The following CNKSR2 variants were observed in gnomAD, a reference collection of about 807,000 sequenced individuals.
CNKSR2 encodes connector enhancer of kinase suppressor of Ras 2, also known as CNK homolog protein 2.
A neutral mutation model predicts 84.4 loss-of-function variants in CNKSR2; 14 were observed. The observed-to-expected ratio is 0.17, with a 90% confidence interval of 0.11 to 0.26. The LOEUF (loss-of-function observed/expected upper bound fraction) is 0.26. Among genes scored for constraint, CNKSR2 ranks in the 10% least tolerant of loss-of-function variants. CNKSR2 has a pLI of 1.00. For missense variants in CNKSR2, 485 were observed against 771.2 expected (o/e 0.63, Z 4.40); for synonymous variants, 275 against 277.9 (o/e 0.99, Z 0.10).
At chrX:21,491,774 T>A (rs2091445026) in intron 6 of CNKSR2, 1 of 112,100 alleles carries the variant, frequency 8.9e-6, no homozygotes, top group Non-Finnish European at 1.9e-5. Flanking sequence ...AATTTTTTTA[T>A]TCCTTTTAGT....
intron 20 of CNKSR2, among the ~76,000 whole-genome samples, chrX:21,640,982 A>C (rs1301230948): frequency 9.0e-6 from 1 of 111,534 alleles, no homozygotes; most frequent in East Asian, 2.8e-4. Context: ...CGGCCTCCTC[A>C]TTGGAGCAAT....
At chrX:21,455,664 A>G (rs1284681925) in intron 4 of CNKSR2, among the ~76,000 whole-genome samples, 1 of 112,237 alleles carries the variant, frequency 8.9e-6, no homozygotes, top group African/African-American at 3.2e-5. Flanking sequence ...GGCATATTTG[A>G]TCATAACACT....
At position 21,532,489 on chromosome X, in the gene CNKSR2, C is replaced by T. The variant is rs189100647; in HGVS notation, c.1303+422C>T. On this transcript the variant is annotated intron_variant, in intron 11 of 21. Coordinates refer to ENST00000379510, the MANE Select transcript of CNKSR2 (RefSeq NM_014927.5). ...GGGATTTTAAGAAATATAATTTTCT[C>T]GAGAAATTCTCACCTCAGTTTTTGT... 2.5e-3 allele frequency among the ~76,000 whole-genome samples: 271 copies of T among 109,538 alleles called. 1 individual carries two copies. Among genetic ancestry groups the T allele is most frequent in the Middle Eastern group, 9.4e-3 (2 of 213 alleles).
intron 4 of CNKSR2, among the ~76,000 whole-genome samples, chrX:21,452,239 C>T (rs770250813): frequency 1.4e-4 from 16 of 111,065 alleles, no homozygotes; most frequent in East Asian, 8.5e-4. Context: ...TACAGGGGTG[C>T]GCCACCATGC....
chrX:21,627,117 T>C (rs1226149260), intron 20 of CNKSR2, among the ~76,000 whole-genome samples: 1 of 111,829 alleles, frequency 8.9e-6, no homozygotes, highest in Non-Finnish European at 1.9e-5. Context: ...AATATGACTC[T>C]TTTACGTTTG....
intron 20 of CNKSR2, among the ~76,000 whole-genome samples, chrX:21,621,501 CCTTT>C (rs1304020737): frequency 9.0e-6 from 1 of 110,947 alleles, no homozygotes; most frequent in African/African-American, 3.3e-5. Flanking sequence ...TTCTAAGCAC[CCTTT>C]CTGTGTTTTT....
intron 11 of CNKSR2, among the ~76,000 whole-genome samples, chrX:21,533,038 T>G (rs2091898748): frequency 9.0e-6 from 1 of 111,186 alleles, no homozygotes; most frequent in African/African-American, 3.3e-5. Flanking sequence ...CTTTCAGCTC[T>G]TTGGTAATAA....
At chrX:21,541,994 G>A (rs1389438642) in intron 11 of CNKSR2, among the ~76,000 whole-genome samples, 1 of 111,701 alleles carries the variant, frequency 9.0e-6, no homozygotes, top group Non-Finnish European at 1.9e-5. Context: ...GCAGAACCAA[G>A]TCTGATTTTA....
chrX:21,435,591 A>G (rs1181719712), intron 3 of CNKSR2, among the ~76,000 whole-genome samples: 2 of 111,712 alleles, frequency 1.8e-5, no homozygotes, highest in Non-Finnish European at 3.8e-5. Flanking sequence ...GAGGTGAATC[A>G]CAGTTGGTAG....
At chrX:21,520,685 C>G (rs1487861726) in intron 9 of CNKSR2, among the ~76,000 whole-genome samples, 1 of 108,236 alleles carries the variant, frequency 9.2e-6, no homozygotes, top group Non-Finnish European at 1.9e-5. Flanking sequence ...ATTTAAAAAC[C>G]CAGCTTTTTT....
chrX:21,519,932 C>A (rs1415407425), intron 9 of CNKSR2, among the ~76,000 whole-genome samples: 1 of 110,708 alleles, frequency 9.0e-6, no homozygotes, highest in Non-Finnish European at 1.9e-5. Context: ...AATAAAACAA[C>A]CTTATCTATC....
At chrX:21,537,079 T>A (rs1299137483) in intron 11 of CNKSR2, among the ~76,000 whole-genome samples, 1 of 110,915 alleles carries the variant, frequency 9.0e-6, no homozygotes, top group Admixed American at 9.6e-5. Context: ...TATTTCTGTT[T>A]TAATTTGCTT....
intron 11 of CNKSR2, among the ~76,000 whole-genome samples, chrX:21,546,324 A>C (rs945088096): frequency 5.5e-5 from 6 of 108,823 alleles, no homozygotes; most frequent in Middle Eastern, 4.7e-3. Context: ...AGGATATCAG[A>C]GATTGAAGAT....
chrX:21,510,771 T>A (rs1232190430), intron 8 of CNKSR2, among the ~76,000 whole-genome samples: 1 of 111,990 alleles, frequency 8.9e-6, no homozygotes, highest in Non-Finnish European at 1.9e-5. Flanking sequence ...CTTGGGAAAT[T>A]TTAATCCTGT....
chrX:21,593,184 A>C lies in CNKSR2; in HGVS notation c.1831-1790A>C, dbSNP rs779436703. 8.9e-5 allele frequency: 10 copies of C among 112,037 alleles called. No individual in the cohort carries two copies. The East Asian group carries it at 2.8e-3, about 31-fold the overall frequency. 9.2% of individuals were successfully genotyped at this position (112,037 alleles called of 1,213,427 possible). On this transcript the variant is annotated intron_variant, in intron 15 of 21. Coordinates refer to ENST00000379510, the MANE Select transcript of CNKSR2 (RefSeq NM_014927.5). ...ATTGTTCAAAATTTTAAATATTTAC[A>C]TTATGAATGTCAAGGGTAAAGTAAC...
intron 5 of CNKSR2, among the ~76,000 whole-genome samples, chrX:21,480,911 A>T (rs1475624693): frequency 8.9e-6 from 1 of 112,125 alleles, no homozygotes; most frequent in Non-Finnish European, 1.9e-5. Context: ...TACTTGCCAA[A>T]CAATGTTCAA....
intron 1 of CNKSR2, among the ~76,000 whole-genome samples, chrX:21,385,368 T>C (rs1477710257): frequency 1.8e-5 from 2 of 112,289 alleles, no homozygotes; most frequent in Non-Finnish European, 3.8e-5. Context: ...ATGCCTTGTA[T>C]ATAGTAAGCA....
intron 20 of CNKSR2, among the ~76,000 whole-genome samples, chrX:21,623,833 A>C (rs2092611751): frequency 8.9e-6 from 1 of 112,060 alleles, no homozygotes; most frequent in Non-Finnish European, 1.9e-5. Context: ...GTTTCTAATT[A>C]ATTATAATAT....
intron 1 of CNKSR2, among the ~76,000 whole-genome samples, chrX:21,394,612 A>C (rs2090096062): frequency 9.0e-6 from 1 of 111,652 alleles, no homozygotes; most frequent in African/African-American, 3.2e-5. Context: ...AACCTGGCTA[A>C]GTCCTGAATC....
Sources: allele counts gnomAD v4.1 joint callset (sites outside exome capture counted in the v4.1 genomes callset), GRCh38; gene constraint gnomAD v4.1.1; transcripts MANE v1.5; gene names NCBI Gene and HGNC (gene_info 2026-07-23, HGNC 2026-07-21).